Variants in RNF10 observed in about 807,000 individuals in gnomAD.
RNF10 encodes the protein ring finger protein 10.
RNF10 carries 38 observed loss-of-function variants against 91.4 expected under a neutral mutation model. That is an observed-to-expected ratio of 0.42 (90% CI 0.32 to 0.54). The LOEUF is 0.54. Among genes scored for constraint, RNF10 ranks in the 20% least tolerant of loss-of-function variants. RNF10 has a pLI of 0.16. For missense variants in RNF10, 945 were observed against 1,012.0 expected (o/e 0.93, Z 0.90); for synonymous variants, 364 against 366.3 (o/e 0.99, Z 0.07).
chr12:120,554,183 G>A (rs1014711140), intron 3 of RNF10, among the ~76,000 whole-genome samples: 2 of 152,140 alleles, frequency 1.3e-5, no homozygotes, highest in African/African-American at 4.8e-5. Context: ...GGGATTACAG[G>A]TGTGAGCCAC....
intron 4 of RNF10, 93 bp from the exon 5 acceptor site, chr12:120,557,189 G>T: frequency 9.3e-7 from 1 of 1,070,880 alleles, no homozygotes; most frequent in Middle Eastern, 2.1e-4. Context: ...AGAGATGAGA[G>T]AGATGCGGAT....
chr12:120,536,258 A>G (rs1482177358), intron 1 of RNF10, among the ~76,000 whole-genome samples: 2 of 150,918 alleles, frequency 1.3e-5, no homozygotes, highest in Non-Finnish European at 3.0e-5. Flanking sequence ...CCTCGTCTCC[A>G]TAAGAAAAAA....
chr12:120,563,514 T>A lies in RNF10; in HGVS notation c.1422T>A (p.Asp474Glu), dbSNP rs1317563637. The A allele has an allele frequency of 3.1e-6, 5 of 1,614,130 alleles. No homozygotes were observed. In the Admixed American group the frequency reaches 8.3e-5, roughly 27 times the overall value. ...CCTGTGATGACTTGGAGTTAGCAGA[T>A]GACAATCTTAAAGAGGGGACCATTT... ...PEACDDLELADDNLKEGTICT... is the reference protein window; with the variant it reads ...PEACDDLELAEDNLKEGTICT... Residue 474 changes from aspartate (D) to glutamate (E), a missense_variant, in exon 9 of 17, where the codon GAT becomes GAA. Transcript: ENST00000325954.
At chr12:120,556,839 C>T (rs1412079897) in intron 4 of RNF10, among the ~76,000 whole-genome samples, 2 of 151,844 alleles carry the variant, frequency 1.3e-5, no homozygotes, top group African/African-American at 4.8e-5. Flanking sequence ...TTATGGTTTC[C>T]TTGATGCTTT....
At position 120,554,819 on chromosome 12, in the gene RNF10, C is replaced by A; in HGVS notation, c.645+11C>A. 1 of 1,603,486 alleles carries A rather than the reference C, an allele frequency of 6.2e-7. No individual in the cohort carries two copies. The highest frequency in any genetic ancestry group is 1.1e-5 in the South Asian group (1 of 90,842). ...TTTGTGGAACAAGTGGTGAGTAGCT[C>A]AGCCAAGCCCATAAGCTATGAATGG... On this transcript the variant is annotated intron_variant, in intron 4 of 16. Transcript: ENST00000325954.
At position 120,557,360 on chromosome 12, in the gene RNF10, C is replaced by G; in HGVS notation, c.724C>G (p.His242Asp). Residue 242 changes from histidine to aspartate, a missense_variant, in exon 5 of 17, where the codon CAC (histidine) becomes GAC (aspartate). Transcript: ENST00000325954. ...TGCAGCCAAGATAACCCGTTGTGGACACATCTTCTGCTGGGCATGCATCCT... is the reference window on the plus strand; with the variant it reads ...TGCAGCCAAGATAACCCGTTGTGGAGACATCTTCTGCTGGGCATGCATCCT... The part of the protein sequence containing the change: ...PTAAKITRCG[H>D]IFCWACILHY... 6.2e-7 allele frequency: 1 copy of G among 1,614,156 alleles called. No homozygotes were observed. Among genetic ancestry groups the G allele is most frequent in the Non-Finnish European group, 8.5e-7 (1 of 1,180,028 alleles).
intron 4 of RNF10, among the ~76,000 whole-genome samples, 185 bp from the exon 5 acceptor site, chr12:120,557,097 A>AAG (rs1555227266): frequency 1.3e-5 from 2 of 151,940 alleles, no homozygotes; most frequent in East Asian, 3.9e-4. Context: ...AAAAAAAAAA[A>AAG]AAAAGAAAAA....
At chr12:120,560,491 CAAT>C (rs1323690039) in intron 6 of RNF10, among the ~76,000 whole-genome samples, 1 of 152,118 alleles carries the variant, frequency 6.6e-6, no homozygotes, top group Admixed American at 6.6e-5. Context: ...AATGCTGTAA[CAAT>C]AAACGCGTGA....
At chr12:120,564,124 G>A (rs1197984688) in intron 10 of RNF10, among the ~76,000 whole-genome samples, 181 bp downstream of exon 10, 1 of 152,058 alleles carries the variant, frequency 6.6e-6, no homozygotes, top group Non-Finnish European at 1.5e-5. Context: ...AGCATGCCAG[G>A]GTTCTGTTAA....
intron 13 of RNF10, among the ~76,000 whole-genome samples, chr12:120,570,599 C>T (rs1439451755): frequency 1.3e-5 from 2 of 152,140 alleles, no homozygotes; most frequent in Admixed American, 6.6e-5. Context: ...GGGCCCCTCT[C>T]GTCCAACACT....
intron 4 of RNF10, among the ~76,000 whole-genome samples, chr12:120,556,641 TGAA>T (rs1874073118): frequency 7.0e-6 from 1 of 143,260 alleles, no homozygotes; most frequent in South Asian, 2.2e-4. Flanking sequence ...TAAAAAAAAA[TGAA>T]GTCTTTTTAA....
intron 13 of RNF10, among the ~76,000 whole-genome samples, chr12:120,568,116 G>A (rs910249109): frequency 1.3e-5 from 2 of 152,008 alleles, no homozygotes; most frequent in Admixed American, 1.3e-4. Context: ...GTGGTAGTGT[G>A]TACCTGTAGT....
At chr12:120,540,984 T>C (rs1871473600) in intron 1 of RNF10, among the ~76,000 whole-genome samples, 1 of 151,116 alleles carries the variant, frequency 6.6e-6, no homozygotes, top group Non-Finnish European at 1.5e-5. Flanking sequence ...GCCCCCGGAG[T>C]AGCTGGGATT....
Position 120,557,534 on chromosome 12 carries a change from T to A in RNF10, c.831-12T>A, listed in dbSNP as rs2137202705. 6.2e-7 allele frequency: 1 copy of A among 1,614,168 alleles called. No individual in the cohort carries two copies. On this transcript the variant is annotated splice_polypyrimidine_tract_variant and intron_variant, in intron 5 of 16. Transcript: ENST00000325954. ...CTCCTTGCCCTGCTACATATGAGTGTCCATGTTTCAGTGTTGTTGCCACAG... is the reference window on the plus strand; with the variant it reads ...CTCCTTGCCCTGCTACATATGAGTGACCATGTTTCAGTGTTGTTGCCACAG...
Position 120,565,672 on chromosome 12 carries a change from G to T in RNF10, c.1885+143G>T, listed in dbSNP as rs1350784024. On this transcript the variant is annotated intron_variant, in intron 12 of 16. Transcript: ENST00000325954. ...AATCATGAGAGCACCTCCTTAATAG[G>T]CTTGCTTGCAAATATAATGAGTTAA... The T allele has an allele frequency of 2.5e-5, 17 of 668,806 alleles. No homozygotes were observed. In the South Asian group the frequency reaches 3.1e-4, roughly 12 times the overall value. The allele number at this position is 668,806 out of a possible 1,614,324, so 41.4% of individuals were successfully genotyped here.
At chr12:120,541,245 T>TTAGGGTCAAACAGG (rs1413199829) in intron 1 of RNF10, among the ~76,000 whole-genome samples, 2 of 152,140 alleles carry the variant, frequency 1.3e-5, no homozygotes, top group Non-Finnish European at 2.9e-5. Context: ...AAAGCAGCAG[T>TTAGGGTCAAACAGG]TAGGGTCAAA....
rs920121642 is a variant in RNF10 at position 120,534,524 on chromosome 12, A to C, written c.-288A>C. On this transcript the variant is annotated 5_prime_UTR_variant, in exon 1 of 17. Transcript: ENST00000325954. ...CCGGCCGGCCGGCGGGGCTCGCGCA[A>C]CCTCCCTCGCCTCCCCTTCCCCCGC... The C allele has an allele frequency of 1.5e-5, 5 of 334,226 alleles. No individual in the cohort carries two copies. The highest frequency in any genetic ancestry group is 8.7e-5 in the East Asian group (1 of 11,546). 20.7% of individuals were successfully genotyped at this position (334,226 alleles called of 1,614,324 possible). A position where few individuals can be genotyped will look rare whatever the true frequency, so the allele number is the denominator to read the frequency against.
At chr12:120,557,098 A>AG (rs1367886548) in intron 4 of RNF10, among the ~76,000 whole-genome samples, 184 bp from the exon 5 acceptor site, 16 of 150,328 alleles carry the variant, frequency 1.1e-4, no homozygotes, top group East Asian at 4.9e-4. Flanking sequence ...AAAAAAAAAA[A>AG]AAAGAAAAAA....
intron 14 of RNF10, 22 bp from the exon 15 acceptor site, chr12:120,575,609 C>G (rs74574163): frequency 7.4e-6 from 12 of 1,613,868 alleles, no homozygotes; most frequent in African/African-American, 2.7e-5. Context: ...TTCTCTCCCC[C>G]ACTTCTTTCC....
Sources: gnomAD v4.1 joint callset for allele counts (sites outside exome capture counted in the v4.1 genomes callset) on GRCh38, gnomAD v4.1.1 for gene constraint, MANE v1.5 for transcripts, NCBI Gene and HGNC (gene_info 2026-07-23, HGNC 2026-07-21) for gene names.